The following PRDM11 variants were observed in gnomAD, a reference collection of about 807,000 sequenced individuals.
PRDM11 encodes PR/SET domain 11, also known as PR domain-containing protein 11.
In PRDM11, 20 loss-of-function variants were observed where a neutral mutation model predicts 97.8. The observed-to-expected ratio is 0.20, with a 90% CI of 0.14 to 0.30. The LOEUF (loss-of-function observed/expected upper bound fraction) is 0.30, where lower values mean the gene tolerates loss of function less well. PRDM11 is among the 10% of genes least tolerant of loss of function. The pLI is 1.00. For synonymous variants in PRDM11, 599 were observed against 637.7 expected, an observed-to-expected ratio of 0.94 and a Z score of 0.91; for missense variants, 1,139 against 1,555.2, an observed-to-expected ratio of 0.73 and a Z score of 4.50.
intron 1 of PRDM11, among the ~76,000 whole-genome samples, chr11:45,138,765 G>A (rs533942259): frequency 6.6e-6 from 1 of 151,860 alleles, no homozygotes; most frequent in South Asian, 2.1e-4. Flanking sequence ...GCAATCAGAA[G>A]AAAATCTAAG....
At chr11:45,188,902 T>A (rs1852807233) in intron 4 of PRDM11, among the ~76,000 whole-genome samples, 1 of 152,124 alleles carries the variant, frequency 6.6e-6, no homozygotes, top group Non-Finnish European at 1.5e-5. Flanking sequence ...TTTGTTTGTT[T>A]GTTTTTTTGT....
upstream of PRDM11, among the ~76,000 whole-genome samples, chr11:45,144,226 A>C (rs1851461072): frequency 6.6e-6 from 1 of 152,222 alleles, no homozygotes; most frequent in South Asian, 2.1e-4. Flanking sequence ...GCCATGCAGG[A>C]AAACACTGGC....
At chr11:45,214,023 G>A in intron 5 of PRDM11, 2 of 312,300 alleles carry the variant, frequency 6.4e-6, no homozygotes, top group Non-Finnish European at 1.3e-5. Flanking sequence ...ACCCTGCCCT[G>A]GCTCTATGGC....
intron 1 of PRDM11, among the ~76,000 whole-genome samples, chr11:45,147,747 T>A (rs1156725363): frequency 6.6e-6 from 1 of 152,184 alleles, no homozygotes; most frequent in Non-Finnish European, 1.5e-5. Flanking sequence ...AGATGGGGGC[T>A]TAGAACCCCC....
intron 5 of PRDM11, among the ~76,000 whole-genome samples, chr11:45,207,383 G>C (rs1248073010): frequency 2.0e-5 from 3 of 152,210 alleles, no homozygotes; most frequent in Non-Finnish European, 4.4e-5. Context: ...CCCCATCTAG[G>C]TGATCTGTCT....
intron 1 of PRDM11, among the ~76,000 whole-genome samples, chr11:45,096,523 T>C (rs1190770345): frequency 6.6e-6 from 1 of 152,188 alleles, no homozygotes; most frequent in Non-Finnish European, 1.5e-5. Flanking sequence ...TCCTGGGATG[T>C]AAGCTCAGGT....
intron 1 of PRDM11, among the ~76,000 whole-genome samples, chr11:45,164,649 T>A (rs1441052855): frequency 6.6e-6 from 1 of 152,190 alleles, no homozygotes; most frequent in African/African-American, 2.4e-5. Context: ...TTGGGGTAAA[T>A]GAGCCACAGC....
chr11:45,146,990 G>A (rs1851525915), intron 1 of PRDM11, 113 bp downstream of exon 1: 1 of 146,090 alleles, frequency 6.8e-6, no homozygotes. Flanking sequence ...CGGCGGCTGG[G>A]GGCGGGGGCG....
At chr11:45,200,649 CAG>C (rs1477802352) in intron 4 of PRDM11, among the ~76,000 whole-genome samples, 1 of 152,080 alleles carries the variant, frequency 6.6e-6, no homozygotes, top group Non-Finnish European at 1.5e-5. Flanking sequence ...CCCCAGGAGA[CAG>C]GGGAGCAATC....
chr11:45,131,286 C>T (rs1430690901), intron 1 of PRDM11, among the ~76,000 whole-genome samples: 9 of 152,110 alleles, frequency 5.9e-5, no homozygotes, highest in African/African-American at 2.2e-4. Flanking sequence ...ACTCGAAATG[C>T]TCTGTTTCTT....
At chr11:45,208,231 G>T (rs944278722) in intron 5 of PRDM11, among the ~76,000 whole-genome samples, 1 of 152,236 alleles carries the variant, frequency 6.6e-6, no homozygotes, top group Non-Finnish European at 1.5e-5. Context: ...CATATGCAAA[G>T]GTGGGGGCTT....
At chr11:45,117,477 G>A (rs900139690) in intron 1 of PRDM11, among the ~76,000 whole-genome samples, 2 of 152,174 alleles carry the variant, frequency 1.3e-5, no homozygotes, top group Middle Eastern at 3.2e-3. Flanking sequence ...GTTGAGTGTG[G>A]TGCTAATGCC....
At position 45,219,457 on chromosome 11, in the gene PRDM11, C is replaced by A; in HGVS notation, c.555-113C>A. 1 of 1,043,710 alleles carries A rather than the reference C, an allele frequency of 9.6e-7. No individual in the cohort carries two copies. The highest frequency in any genetic ancestry group is 1.4e-6 in the Non-Finnish European group (1 of 721,580). 64.7% of individuals were successfully genotyped at this position (1,043,710 alleles called of 1,614,324 possible). A position where few individuals can be genotyped will look rare whatever the true frequency, so the allele number is the denominator to read the frequency against. ...CTGCTCTGCTGATGTTCACATGGGC[C>A]CACGTGCCTGTGGACTTCTAACCAT... On this transcript the variant is annotated intron_variant, in intron 5 of 7. Coordinates refer to ENST00000683152, the MANE Select transcript of PRDM11 (RefSeq NM_001384648.1). The surrounding 1 kb of genome is among the most constrained non-coding windows in gnomAD (Gnocchi z 4.2).
intron 5 of PRDM11, among the ~76,000 whole-genome samples, chr11:45,211,226 T>G (rs1853721630): frequency 6.6e-6 from 1 of 151,946 alleles, no homozygotes; most frequent in Non-Finnish European, 1.5e-5. Context: ...CACCAAACAC[T>G]GCCAAGAGAC....
chr11:45,196,892 G>A (rs372006226), intron 4 of PRDM11, among the ~76,000 whole-genome samples: 13 of 152,252 alleles, frequency 8.5e-5, no homozygotes, highest in South Asian at 8.3e-4. Context: ...CTATTCTCTC[G>A]GAGCTCCAGT....
intron 1 of PRDM11, among the ~76,000 whole-genome samples, chr11:45,113,834 T>TG (rs1407323107): frequency 2.7e-5 from 4 of 149,532 alleles, no homozygotes; most frequent in Non-Finnish European, 4.4e-5. Flanking sequence ...GTTTTGTTTT[T>TG]TTTTTTTTTT....
At chr11:45,113,282 G>A (rs184617663) in intron 1 of PRDM11, among the ~76,000 whole-genome samples, 16 of 152,150 alleles carry the variant, frequency 1.1e-4, no homozygotes, top group East Asian at 5.8e-4. Context: ...CTTTATTTCC[G>A]GGTTCTCTAT....
At chr11:45,181,668 C>G (rs1479956880) in intron 1 of PRDM11, 93 bp from the exon 2 acceptor site, 2 of 1,043,226 alleles carry the variant, frequency 1.9e-6, no homozygotes, top group Admixed American at 3.9e-5. Flanking sequence ...AACCAGACTC[C>G]GCGAGACCCC....
At chr11:45,182,770 G>A in intron 3 of PRDM11, 91 bp from the exon 4 acceptor site, 1 of 1,425,902 alleles carries the variant, frequency 7.0e-7, no homozygotes, top group South Asian at 1.4e-5. Context: ...CTGTCCATGA[G>A]TGGGCCTCCT....
Sources: gnomAD v4.1 joint callset for allele counts (sites outside exome capture counted in the v4.1 genomes callset) on GRCh38, gnomAD v4.1.1 for gene constraint, Gnocchi (gnomAD v3.1) non-coding constraint, MANE v1.5 for transcripts, NCBI Gene and HGNC (gene_info 2026-07-23, HGNC 2026-07-21) for gene names.